Variants in TESMIN observed in about 807,000 individuals in gnomAD.
The protein encoded by TESMIN is CXC domain containing 2.
TESMIN carries 34 observed loss-of-function variants against 47.4 expected under a neutral mutation model. That is an observed-to-expected ratio of 0.72 (90% CI 0.55 to 0.96). The LOEUF is 0.96. TESMIN is among the 40% of genes least tolerant of loss of function. TESMIN has a pLI of 0.00. For missense variants in TESMIN, 610 were observed against 637.2 expected, an observed-to-expected ratio of 0.96 and a Z score of 0.46; for synonymous variants, 278 against 258.9, an observed-to-expected ratio of 1.07 and a Z score of -0.71.
chr11:68,716,949 G>A (rs1352577977), intron 6 of TESMIN, among the ~76,000 whole-genome samples: 2 of 152,138 alleles, frequency 1.3e-5, no homozygotes, highest in Admixed American at 6.5e-5. Context: ...CGGCTCTGCC[G>A]CCTTCTCCCC....
chr11:68,714,194 G>A (rs976846582), intron 7 of TESMIN, among the ~76,000 whole-genome samples: 3 of 152,188 alleles, frequency 2.0e-5, no homozygotes, highest in African/African-American at 7.2e-5. Flanking sequence ...TTTGGAATCG[G>A]TGCTGTCCAG....
At chr11:68,726,943 T>C (rs146692356) in intron 6 of TESMIN, among the ~76,000 whole-genome samples, 6 of 151,638 alleles carry the variant, frequency 4.0e-5, no homozygotes, top group African/African-American at 1.5e-4. Flanking sequence ...AGCTGGCTTG[T>C]GATAGCAGGA....
chr11:68,746,028 A>G (rs974700952), intron 3 of TESMIN, among the ~76,000 whole-genome samples: 1 of 152,262 alleles, frequency 6.6e-6, no homozygotes, highest in Non-Finnish European at 1.5e-5. Context: ...AGAACCATAA[A>G]GGACCAATGT....
chr11:68,739,714 T>C (rs1415082694), intron 5 of TESMIN, among the ~76,000 whole-genome samples: 2 of 152,160 alleles, frequency 1.3e-5, no homozygotes, highest in African/African-American at 4.8e-5. Flanking sequence ...CAATCAGTCT[T>C]AAGTCCCCAG....
At chr11:68,717,759 A>T (rs1442222887) in intron 6 of TESMIN, among the ~76,000 whole-genome samples, 1 of 152,164 alleles carries the variant, frequency 6.6e-6, no homozygotes, top group Non-Finnish European at 1.5e-5. Context: ...GGAAGGCATG[A>T]GTCCCCAGAT....
At position 68,727,403 on chromosome 11, in the gene TESMIN, G is replaced by A. The variant is rs546224609; in HGVS notation, c.917+11297C>T. Among the ~76,000 whole-genome samples the A allele has an allele frequency of 2.6e-5, 4 of 151,844 alleles. No individual in the cohort carries two copies. The South Asian group carries it at 6.3e-4, about 24-fold the overall frequency. ...TGCAGTGAGCCAAGATCACACCACTGTACTCCAGCCTGGGCAACAGAGCCA... is the reference window on the plus strand; with the variant it reads ...TGCAGTGAGCCAAGATCACACCACTATACTCCAGCCTGGGCAACAGAGCCA... On this transcript the variant is annotated intron_variant, in intron 6 of 9. Transcript: ENST00000255087.
At chr11:68,728,058 C>T (rs902958897) in intron 6 of TESMIN, among the ~76,000 whole-genome samples, 5 of 152,162 alleles carry the variant, frequency 3.3e-5, no homozygotes, top group African/African-American at 1.2e-4. Flanking sequence ...CCCTGAGACA[C>T]AACAATATTG....
chr11:68,715,057 GAAT>G (rs1946120503), intron 7 of TESMIN, among the ~76,000 whole-genome samples: 1 of 152,186 alleles, frequency 6.6e-6, no homozygotes, highest in East Asian at 1.9e-4. Flanking sequence ...TTCAAGAGGA[GAAT>G]TAAATTATTT....
intron 6 of TESMIN, among the ~76,000 whole-genome samples, chr11:68,722,862 A>T (rs1272970601): frequency 6.6e-6 from 1 of 152,202 alleles, no homozygotes; most frequent in African/African-American, 2.4e-5. Flanking sequence ...CACCAAAAAG[A>T]TGTAGCAATC....
At chr11:68,715,754 G>A (rs1182464735) in intron 7 of TESMIN, 83 bp downstream of exon 7, 2 of 996,024 alleles carry the variant, frequency 2.0e-6, no homozygotes, top group East Asian at 2.7e-5. Flanking sequence ...TTTCCAATGA[G>A]GAATCTCTGA....
At chr11:68,727,336 G>C (rs1304705223) in intron 6 of TESMIN, among the ~76,000 whole-genome samples, 1 of 151,928 alleles carries the variant, frequency 6.6e-6, no homozygotes, top group Non-Finnish European at 1.5e-5. Flanking sequence ...GCTACTCAGG[G>C]GGCTGAGGCA....
At chr11:68,731,640 G>A (rs1946328639) in intron 6 of TESMIN, among the ~76,000 whole-genome samples, 1 of 152,142 alleles carries the variant, frequency 6.6e-6, no homozygotes, top group African/African-American at 2.4e-5. Flanking sequence ...AGCTATTGAT[G>A]GCGATGATGC....
chr11:68,738,864 A>G lies in TESMIN; in HGVS notation c.829-76T>C, dbSNP rs933292937. 5.9e-5 allele frequency: 76 copies of G among 1,282,750 alleles called. No homozygotes were observed. In the South Asian group the frequency reaches 9.2e-4, roughly 16 times the overall value. The allele number at this position is 1,282,750 out of a possible 1,614,324, so 79.5% of individuals were successfully genotyped here. A position where few individuals can be genotyped will look rare whatever the true frequency, so the allele number is the denominator to read the frequency against. On this transcript the variant is annotated intron_variant, in intron 5 of 9. Coordinates refer to ENST00000255087, the MANE Select transcript of TESMIN (RefSeq NM_004923.3). ...GTTCCAGTCAGCCAGCCCCCTAGAT[A>G]AAAATGATTCTTTTTTTCCCTAAAG...
At chr11:68,726,017 C>T (rs1384156398) in intron 6 of TESMIN, among the ~76,000 whole-genome samples, 4 of 152,074 alleles carry the variant, frequency 2.6e-5, no homozygotes, top group South Asian at 4.2e-4. Flanking sequence ...TTAACTGCTG[C>T]GTGGAGGAGA....
rs767537503 is a variant in TESMIN, at chr11:68,710,916, G to A, written c.1292C>T (p.Pro431Leu). The change falls in exon 9 of 10, where the codon CCA becomes CTA. Residue 431 changes from proline to leucine, a missense_variant. By Grantham distance (98) the Pro-to-Leu change is moderately conservative. Transcript: ENST00000255087. Reference sequence around the variant, plus strand: ...TGGAAGTCCTGAAAATTTCGTTGGTGGCAGGTAATGGCTGCCTTCCAAACC... The same window carrying A: ...TGGAAGTCCTGAAAATTTCGTTGGTAGCAGGTAATGGCTGCCTTCCAAACC... Reference protein sequence around the residue: ...TGGLEGSHYLPPTKFSGLPRF... With the variant: ...TGGLEGSHYLLPTKFSGLPRF... The A allele has an allele frequency of 1.2e-6, 2 of 1,613,902 alleles. No individual in the cohort carries two copies. Among genetic ancestry groups the A allele is most frequent in the East Asian group, 2.2e-5 (1 of 44,878 alleles).
At chr11:68,748,656 A>G (rs887742346) in intron 2 of TESMIN, among the ~76,000 whole-genome samples, 1 of 152,262 alleles carries the variant, frequency 6.6e-6, no homozygotes, top group African/African-American at 2.4e-5. Context: ...AAATAATTCC[A>G]TTCTGTTTAA....
intron 6 of TESMIN, chr11:68,738,090 ATTAGT>A: frequency 9.1e-6 from 9 of 985,922 alleles, no homozygotes; most frequent in Non-Finnish European, 1.1e-5. Context: ...CAACCAGCTG[ATTAGT>A]TTAATTAGCA....
At chr11:68,732,143 G>A (rs115978352) in intron 6 of TESMIN, among the ~76,000 whole-genome samples, 1,740 of 152,288 alleles carry the variant, frequency 0.011, 31 homozygotes, top group African/African-American at 0.04. Context: ...CGTGGAGAAG[G>A]CATCTCCGTG....
chr11:68,743,338 G>A (rs564506149), intron 4 of TESMIN, among the ~76,000 whole-genome samples: 2 of 148,714 alleles, frequency 1.3e-5, no homozygotes, highest in Non-Finnish European at 3.0e-5. Context: ...TCAACCTTCT[G>A]GCCTCAAGCA....
Sources: gnomAD v4.1 joint callset for allele counts (sites outside exome capture counted in the v4.1 genomes callset) on GRCh38, gnomAD v4.1.1 for gene constraint, MANE v1.5 for transcripts, NCBI Gene and HGNC (gene_info 2026-07-23, HGNC 2026-07-21) for gene names.